FAM91A1: variants seen among roughly 807,000 people sequenced by gnomAD.
FAM91A1 encodes family with sequence similarity 91 member A1, also known as protein FAM91A1.
FAM91A1 carries 41 observed loss-of-function variants against 113.5 expected under a neutral mutation model. The observed-to-expected ratio is 0.36, with a 90% CI of 0.28 to 0.47. The LOEUF (loss-of-function observed/expected upper bound fraction) is 0.47, where lower values mean the gene tolerates loss of function less well. FAM91A1 is among the 20% of genes least tolerant of loss of function. The pLI is 1.00. For missense variants in FAM91A1, 696 were observed against 1,001.2 expected (o/e 0.70, Z 4.11); for synonymous variants, 307 against 347.9 (o/e 0.88, Z 1.31).
At chr8:123,775,470 A>T (rs1195195001) in intron 3 of FAM91A1, among the ~76,000 whole-genome samples, 172 bp downstream of exon 3, 2 of 152,190 alleles carry the variant, frequency 1.3e-5, no homozygotes, top group Non-Finnish European at 2.9e-5. Flanking sequence ...CACACTGTAC[A>T]AGTACTTATC....
At position 123,812,599 on chromosome 8, in the gene FAM91A1, T is replaced by G; in HGVS notation, c.2412T>G (p.Gly804=). 1 of 1,611,986 alleles carries G rather than the reference T, an allele frequency of 6.2e-7. No individual in the cohort carries two copies. Among genetic ancestry groups the G allele is most frequent in the Non-Finnish European group, 8.5e-7 (1 of 1,179,042 alleles). The stretch of plus-strand genomic sequence containing the variant: ...CACAGTCATCGTGTGCTGACATGGG[T>G]GTTCCACTTCCTGCAAAAAACTTAA... ...LLSQSSCADM[G]VPLPAKNLIF... is the part of the protein sequence containing the mutation. The change falls in exon 24 of 24, where the codon GGT becomes GGG. Residue 804 remains glycine (G), a synonymous_variant. Coordinates refer to ENST00000334705, the MANE Select transcript of FAM91A1 (RefSeq NM_144963.4).
chr8:123,812,408 T>A, intron 23 of FAM91A1, 111 bp from the exon 24 acceptor site: 1 of 773,956 alleles, frequency 1.3e-6, no homozygotes. Flanking sequence ...TGTACTGCTT[T>A]GCAATCCATA....
In FAM91A1 at chr8:123,805,439, T is replaced by G. The variant is rs556042950; in HGVS notation, c.1882+100T>G. On this transcript the variant is annotated intron_variant, in intron 19 of 23. Coordinates refer to ENST00000334705, the MANE Select transcript of FAM91A1 (RefSeq NM_144963.4). ...ATGGCAGGAAATGAATTCTTGAAATTTTTAAGTTCTAGGTTCTTTGCTACT... is the reference window on the plus strand; with the variant it reads ...ATGGCAGGAAATGAATTCTTGAAATGTTTAAGTTCTAGGTTCTTTGCTACT... 1,831 of 1,021,590 alleles carry G rather than the reference T, an allele frequency of 1.8e-3. 6 individuals carry two copies. The highest frequency in any genetic ancestry group is 2.1e-3 in the Non-Finnish European group (1,443 of 700,918). 63.3% of individuals were successfully genotyped at this position (1,021,590 alleles called of 1,614,324 possible). A position where few individuals can be genotyped will look rare whatever the true frequency, so the allele number is the denominator to read the frequency against.
In FAM91A1 at chr8:123,777,328, TATTTA is replaced by T. The variant is rs754002969; in HGVS notation, c.367+10_367+14del. 5.6e-6 allele frequency: 9 copies of T among 1,611,332 alleles called. No individual in the cohort carries two copies. In the South Asian group the frequency reaches 8.8e-5, roughly 16 times the overall value. On this transcript the variant is annotated splice_region_variant and intron_variant, in intron 4 of 23. Coordinates refer to ENST00000334705, the MANE Select transcript of FAM91A1 (RefSeq NM_144963.4). ...CAATTTTACTGCTGCTGACTGTAAGTATTTAATTGTGCTGAAGAAGGTAATGTTTA... is the reference window on the plus strand; with the variant it reads ...CAATTTTACTGCTGCTGACTGTAAGTATTGTGCTGAAGAAGGTAATGTTTA...
chr8:123,793,885 ATC>A (rs1159831368), intron 15 of FAM91A1, among the ~76,000 whole-genome samples: 3 of 152,226 alleles, frequency 2.0e-5, no homozygotes, highest in Non-Finnish European at 4.4e-5. Flanking sequence ...AACGTTAAAT[ATC>A]TCTTTTTAGA....
intron 7 of FAM91A1, among the ~76,000 whole-genome samples, 153 bp from the exon 8 acceptor site, chr8:123,780,327 A>C (rs1815088156): frequency 6.6e-6 from 1 of 152,210 alleles, no homozygotes; most frequent in African/African-American, 2.4e-5. Context: ...GAGATTTAAA[A>C]ACTTTAATTC....
intron 19 of FAM91A1, 148 bp from the exon 20 acceptor site, chr8:123,805,932 A>G: frequency 7.2e-6 from 5 of 697,066 alleles, no homozygotes; most frequent in Non-Finnish European, 1.0e-5. Context: ...AGTAAGAATG[A>G]CAACTTTATA....
At chr8:123,793,547 C>T (rs62519927) in intron 15 of FAM91A1, among the ~76,000 whole-genome samples, 6,174 of 152,230 alleles carry the variant, frequency 0.041, 191 homozygotes, top group Non-Finnish European at 0.06. Flanking sequence ...TCAGATTTTG[C>T]CATGAGGATT....
intron 2 of FAM91A1, among the ~76,000 whole-genome samples, chr8:123,774,856 A>G (rs747524564): frequency 9.9e-5 from 15 of 152,228 alleles, no homozygotes; most frequent in Non-Finnish European, 2.1e-4. Context: ...ATACAATTCA[A>G]TAAAGCTCTG....
At position 123,814,339 on chromosome 8, in the gene FAM91A1, AAG is replaced by A; in HGVS notation, c.*1636_*1637del. 1 of 212,108 alleles carries A rather than the reference AAG, an allele frequency of 4.7e-6. No homozygotes were observed. The highest frequency in any genetic ancestry group is 1.8e-4 in the East Asian group (1 of 5,524). The allele number at this position is 212,108 out of a possible 1,614,324, so 13.1% of individuals were successfully genotyped here. Reference sequence around the variant, plus strand: ...TTACAGTTTTTCAGCTGAAAGTTGTAAGTATTTTTTTTTTTTGATCGGGGCTC... The same window carrying A: ...TTACAGTTTTTCAGCTGAAAGTTGTATATTTTTTTTTTTTGATCGGGGCTC... On this transcript the variant is annotated 3_prime_UTR_variant, in exon 24 of 24. Transcript: ENST00000334705.
At chr8:123,805,839 A>G (rs1208560296) in intron 19 of FAM91A1, among the ~76,000 whole-genome samples, 1 of 152,212 alleles carries the variant, frequency 6.6e-6, no homozygotes, top group African/African-American at 2.4e-5. Context: ...TCTCTTTTAT[A>G]AGTTCACATA....
intron 18 of FAM91A1, among the ~76,000 whole-genome samples, chr8:123,802,900 A>G (rs1373974713): frequency 6.6e-6 from 1 of 152,246 alleles, no homozygotes; most frequent in Admixed American, 6.5e-5. Flanking sequence ...TGACTTGAGC[A>G]CTGTGTTTAG....
intron 16 of FAM91A1, 73 bp downstream of exon 16, chr8:123,798,311 A>G (rs1341073811): frequency 1.3e-6 from 2 of 1,494,500 alleles, no homozygotes; most frequent in Non-Finnish European, 1.8e-6. Flanking sequence ...CTCTATCTGC[A>G]GATACCAACT....
intron 6 of FAM91A1, among the ~76,000 whole-genome samples, chr8:123,779,366 T>A (rs1298502772): frequency 6.6e-6 from 1 of 152,028 alleles, no homozygotes; most frequent in African/African-American, 2.4e-5. Flanking sequence ...ATCAAGAGAG[T>A]TGATATTCCC....
chr8:123,771,974 T>C (rs920540678), intron 1 of FAM91A1, among the ~76,000 whole-genome samples: 1 of 152,208 alleles, frequency 6.6e-6, no homozygotes, highest in Non-Finnish European at 1.5e-5. Flanking sequence ...AAATTACTTT[T>C]TTTTTCTTCT....
chr8:123,798,277 G>A (rs1320334484), intron 16 of FAM91A1, 39 bp downstream of exon 16: 15 of 1,599,082 alleles, frequency 9.4e-6, no homozygotes, highest in South Asian at 1.1e-5. Context: ...GTAGTGTCAT[G>A]AGTCCCATCA....
intron 15 of FAM91A1, among the ~76,000 whole-genome samples, chr8:123,792,300 A>G (rs1002269861): frequency 4.6e-5 from 7 of 152,258 alleles, no homozygotes; most frequent in African/African-American, 1.7e-4. Context: ...GTTATCTACT[A>G]TAAAGCAAAA....
At chr8:123,783,265 G>A (rs970103715) in intron 8 of FAM91A1, among the ~76,000 whole-genome samples, 4 of 152,128 alleles carry the variant, frequency 2.6e-5, no homozygotes, top group African/African-American at 9.7e-5. Context: ...AAATGAAAAT[G>A]TATATATAAA....
Position 123,813,853 on chromosome 8 carries a change from G to C in FAM91A1, c.*1149G>C, listed in dbSNP as rs1179135445. The stretch of plus-strand genomic sequence containing the variant: ...AGTTTAGCTCCTCTTACAGGGTAAT[G>C]GTTTGCTAGTTTAAAACTGTAACCA... On this transcript the variant is annotated 3_prime_UTR_variant, in exon 24 of 24. Transcript: ENST00000334705. The C allele has an allele frequency of 1.2e-5, 2 of 168,804 alleles. No individual in the cohort carries two copies. The highest frequency in any genetic ancestry group is 3.7e-4 in the East Asian group (2 of 5,358). The allele number at this position is 168,804 out of a possible 1,614,324, so 10.5% of individuals were successfully genotyped here. A position where few individuals can be genotyped will look rare whatever the true frequency, so the allele number is the denominator to read the frequency against.
Sources: allele counts gnomAD v4.1 joint callset (sites outside exome capture counted in the v4.1 genomes callset), GRCh38; gene constraint gnomAD v4.1.1; transcripts MANE v1.5; gene names NCBI Gene and HGNC (gene_info 2026-07-23, HGNC 2026-07-21).